The following PHLPP1 variants were observed in gnomAD, a reference collection of about 807,000 sequenced individuals.
The protein encoded by PHLPP1 is PH domain leucine-rich repeat-containing protein phosphatase 1.
A neutral mutation model predicts 117.2 loss-of-function variants in PHLPP1; 42 were observed. The observed-to-expected ratio is 0.36, with a 90% CI of 0.28 to 0.46. The LOEUF is 0.46. Ranked by LOEUF, PHLPP1 falls within the 20% of genes least tolerant of loss-of-function variation. PHLPP1 has a pLI of 1.00. For synonymous variants in PHLPP1, 1,042 were observed against 970.7 expected, an observed-to-expected ratio of 1.07 and a Z score of -1.37; for missense variants, 2,084 against 2,241.9, an observed-to-expected ratio of 0.93 and a Z score of 1.42.
intron 1 of PHLPP1, among the ~76,000 whole-genome samples, chr18:62,752,097 A>C (rs1290155438): frequency 6.6e-6 from 1 of 152,192 alleles, no homozygotes; most frequent in Non-Finnish European, 1.5e-5. Context: ...TCTTTTTTAG[A>C]GACAAGGTCT....
intron 1 of PHLPP1, among the ~76,000 whole-genome samples, chr18:62,804,219 C>T (rs564599684): frequency 1.8e-3 from 275 of 152,220 alleles, no homozygotes; most frequent in African/African-American, 6.5e-3. Flanking sequence ...AGAACTCACT[C>T]ACCATCATGA....
chr18:62,831,553 G>C (rs536222470), intron 2 of PHLPP1, among the ~76,000 whole-genome samples: 2 of 152,174 alleles, frequency 1.3e-5, no homozygotes, highest in South Asian at 4.1e-4. Context: ...TAGCCAGGAT[G>C]GTCTTGATCT....
chr18:62,789,968 T>C (rs115553576), intron 1 of PHLPP1, among the ~76,000 whole-genome samples: 54 of 152,320 alleles, frequency 3.5e-4, no homozygotes, highest in African/African-American at 9.9e-4. Flanking sequence ...AGTATACTTA[T>C]TTTCCAGCTA....
chr18:62,715,612 A>G lies in PHLPP1; in HGVS notation c.-72A>G, dbSNP rs1336450514. On this transcript the variant is annotated 5_prime_UTR_variant, in exon 1 of 17. Transcript: ENST00000262719. ...TCTCCGCGCGCCGCCGCCGTCTCCCACCTCCGCCTCATCGCCTCCCTCTCC... is the reference window on the plus strand; with the variant it reads ...TCTCCGCGCGCCGCCGCCGTCTCCCGCCTCCGCCTCATCGCCTCCCTCTCC... 4 of 1,062,934 alleles carry G rather than the reference A, an allele frequency of 3.8e-6. No homozygotes were observed. The African/African-American group carries it at 5.0e-5, about 13-fold the overall frequency. The allele number at this position is 1,062,934 out of a possible 1,614,324, so 65.8% of individuals were successfully genotyped here.
intron 8 of PHLPP1, among the ~76,000 whole-genome samples, chr18:62,913,315 A>G (rs576844413): frequency 1.3e-5 from 2 of 152,258 alleles, no homozygotes; most frequent in South Asian, 4.1e-4. Flanking sequence ...AAAAAAAATG[A>G]GCATGTCAAT....
chr18:62,975,790 A>T (rs1911171032), intron 16 of PHLPP1, among the ~76,000 whole-genome samples, 165 bp downstream of exon 16: 1 of 152,260 alleles, frequency 6.6e-6, no homozygotes. Flanking sequence ...GTCTTACATT[A>T]TGATGTATAT....
rs1287803627 is a variant in PHLPP1, at chr18:62,859,023, C to T, written c.1900-1412C>T. Among the ~76,000 whole-genome samples, 5 of 152,280 alleles carry T rather than the reference C, an allele frequency of 3.3e-5. No individual in the cohort carries two copies. The South Asian group carries it at 8.3e-4, about 25-fold the overall frequency. Reference sequence around the variant, plus strand: ...TGGTGCTGGGCTATGAATCTGGACACTGAACTCAGAACCATACACCTAAGG... The same window carrying T: ...TGGTGCTGGGCTATGAATCTGGACATTGAACTCAGAACCATACACCTAAGG... On this transcript the variant is annotated intron_variant, in intron 3 of 16. Transcript: ENST00000262719.
At chr18:62,934,400 A>G (rs1000906694) in intron 10 of PHLPP1, among the ~76,000 whole-genome samples, 7 of 152,200 alleles carry the variant, frequency 4.6e-5, no homozygotes, top group Admixed American at 1.3e-4. Flanking sequence ...CATAAAAAAG[A>G]ACAAAATTAT....
At chr18:62,750,738 A>T in intron 1 of PHLPP1, among the ~76,000 whole-genome samples, 1 of 149,554 alleles carries the variant, frequency 6.7e-6, no homozygotes, top group Middle Eastern at 3.5e-3. Context: ...TTTACAAGCT[A>T]CTGGGTTCTC....
At chr18:62,731,878 T>C (rs1911235379) in intron 1 of PHLPP1, among the ~76,000 whole-genome samples, 1 of 152,196 alleles carries the variant, frequency 6.6e-6, no homozygotes, top group Non-Finnish European at 1.5e-5. Context: ...ATCCAAACCC[T>C]AATCCAGAGC....
chr18:62,808,530 T>A (rs1914016942), intron 1 of PHLPP1, among the ~76,000 whole-genome samples: 2 of 151,752 alleles, frequency 1.3e-5, no homozygotes, highest in South Asian at 4.1e-4. Context: ...TCACTTTTGT[T>A]TAGAATTCAT....
intron 1 of PHLPP1, among the ~76,000 whole-genome samples, chr18:62,802,564 C>G (rs1913818724): frequency 2.6e-5 from 4 of 152,108 alleles, no homozygotes; most frequent in Admixed American, 2.6e-4. Flanking sequence ...ATCAAAGTAA[C>G]TTTATTTCTG....
At chr18:62,964,858 T>C (rs562339014) in intron 14 of PHLPP1, among the ~76,000 whole-genome samples, 1 of 152,338 alleles carries the variant, frequency 6.6e-6, no homozygotes, top group South Asian at 2.1e-4. Flanking sequence ...TATTAATATC[T>C]AATATCTACT....
chr18:62,868,463 A>G (rs1915821204), intron 4 of PHLPP1, among the ~76,000 whole-genome samples: 1 of 152,030 alleles, frequency 6.6e-6, no homozygotes, highest in Non-Finnish European at 1.5e-5. Flanking sequence ...TCTACTAAAA[A>G]TACAAAAAAA....
intron 10 of PHLPP1, among the ~76,000 whole-genome samples, chr18:62,926,813 G>A (rs1298025604): frequency 6.6e-6 from 1 of 152,172 alleles, no homozygotes; most frequent in Non-Finnish European, 1.5e-5. Context: ...GCTCCAAAGT[G>A]TGATAGCCCC....
chr18:62,741,777 A>T (rs1252758099), intron 1 of PHLPP1, among the ~76,000 whole-genome samples: 1 of 151,328 alleles, frequency 6.6e-6, no homozygotes, highest in Admixed American at 6.6e-5. Context: ...GTTACAGGGT[A>T]CGTGAAAGAG....
rs755868217 is a variant in PHLPP1, at chr18:62,978,702, C to T, written c.4425C>T (p.Ser1475=). 4.8e-5 allele frequency: 78 copies of T among 1,613,722 alleles called. No homozygotes were observed. In the Middle Eastern group the frequency reaches 4.9e-4, roughly 10 times the overall value. ...CGTCCTCCAGCAGCGGCATGGCTTC[C>T]GAGATTAGCAGTGAGCTCTCCACTT... The part of the protein sequence containing the change: ...GVPSSSSGMA[S]EISSELSTSE... The change falls in exon 17 of 17, where the codon TCC becomes TCT. Residue 1475 remains serine, a synonymous_variant. Transcript: ENST00000262719. This position sits in a 1 kb window ranked among gnomAD's most constrained non-coding sequence, Gnocchi z 7.0.
rs1314538395 is a variant in PHLPP1 at position 62,978,584 on chromosome 18, C to T, written c.4307C>T (p.Ala1436Val). 2 of 1,613,420 alleles carry T rather than the reference C, an allele frequency of 1.2e-6. No individual in the cohort carries two copies. The highest frequency in any genetic ancestry group is 1.7e-6 in the Non-Finnish European group (2 of 1,179,520). ...AGCTTCTGCTGCTGCGAGCTCAGCG[C>T]CGGTGGGGCTGTGCCACCACCCAGT... ...EDSFCCCELS[A>V]GGAVPPPSPG... The change falls in exon 17 of 17, where the codon GCC becomes GTC. Residue 1436 changes from alanine (A) to valine (V), a missense_variant. By Grantham distance (64) the Ala-to-Val change is moderately conservative (BLOSUM62 0). Around this residue, in one of 2 missense-constraint regions of PHLPP1, gnomAD observed 1,365 missense variants for 1,605.9 expected, o/e 0.85. Coordinates refer to ENST00000262719, the MANE Select transcript of PHLPP1 (RefSeq NM_194449.4). The surrounding 1 kb of genome is among the most constrained non-coding windows in gnomAD (Gnocchi z 7.0).
chr18:62,825,971 A>G (rs185453014), intron 1 of PHLPP1, among the ~76,000 whole-genome samples: 276 of 152,336 alleles, frequency 1.8e-3, no homozygotes, highest in African/African-American at 6.5e-3. Context: ...TTTTGTAAGA[A>G]TAAATTCGGC....
Sources: allele counts gnomAD v4.1 joint callset (sites outside exome capture counted in the v4.1 genomes callset), GRCh38; gene constraint gnomAD v4.1.1; regional missense constraint gnomAD v4.1.1; non-coding constraint Gnocchi (gnomAD v3.1); transcripts MANE v1.5; gene names NCBI Gene and HGNC (gene_info 2026-07-23, HGNC 2026-07-21).